The following PREPL variants were observed in gnomAD, a reference collection of about 807,000 sequenced individuals.
PREPL encodes the protein prolyl endopeptidase-like.
PREPL carries 77 observed loss-of-function variants against 70.6 expected under a neutral mutation model. The ratio of observed to expected loss-of-function variants is 1.09; its 90% confidence interval spans 0.91 to 1.32. The LOEUF is 1.32. Ranked by LOEUF, PREPL falls within the 40% of genes most tolerant of loss-of-function variation. The probability of loss-of-function intolerance (pLI) is 0.00; values close to 1 mark genes in which losing one functional copy is unlikely to be tolerated. For synonymous variants in PREPL, 315 were observed against 264.8 expected (o/e 1.19, Z -1.84); for missense variants, 1,002 against 778.2 (o/e 1.29, Z -3.42).
At chr2:44,359,430 ATTCT>A (rs1677418278) in intron 1 of PREPL, 1 of 1,207,110 alleles carries the variant, frequency 8.3e-7, no homozygotes, top group Non-Finnish European at 1.2e-6. Context: ...TATTCTACCC[ATTCT>A]TTATTTTTAA....
At chr2:44,328,024 G>A (rs2103770800) in intron 9 of PREPL, among the ~76,000 whole-genome samples, 1 of 150,032 alleles carries the variant, frequency 6.7e-6, no homozygotes, top group African/African-American at 2.5e-5. Flanking sequence ...GGTGGCTCAT[G>A]CCTGTAATCC....
At chr2:44,347,907 A>T (rs1676001149) in intron 1 of PREPL, among the ~76,000 whole-genome samples, 1 of 152,242 alleles carries the variant, frequency 6.6e-6, no homozygotes, top group African/African-American at 2.4e-5. Flanking sequence ...AAAATCACCA[A>T]AACAAATTAA....
rs763028081 is a variant in PREPL at position 44,342,516 on chromosome 2, A to G, written c.386T>C (p.Phe129Ser). 10 of 1,611,940 alleles carry G rather than the reference A, an allele frequency of 6.2e-6. No homozygotes were observed. The highest frequency in any genetic ancestry group is 1.7e-5 in the Admixed American group (1 of 59,950). Reference protein sequence around the residue: ...VKDEEDEDVLFYTFQRNLRCH... With the variant: ...VKDEEDEDVLSYTFQRNLRCH... Reference sequence around the variant, plus strand: ...GCGAAGGTTCCTCTGGAAGGTGTAGAATAAAACATCTTCATCTTCCTCGTC... The same window carrying G: ...GCGAAGGTTCCTCTGGAAGGTGTAGGATAAAACATCTTCATCTTCCTCGTC... The change falls in exon 5 of 14, where the codon TTC (phenylalanine) becomes TCC (serine). Residue 129 changes from phenylalanine to serine, a missense_variant. Coordinates refer to ENST00000409411, the MANE Select transcript of PREPL (RefSeq NM_001171613.2).
chr2:44,328,851 C>A, intron 9 of PREPL, 86 bp downstream of exon 9: 3 of 1,296,638 alleles, frequency 2.3e-6, no homozygotes, highest in South Asian at 1.7e-5. Flanking sequence ...AAAAAATAAG[C>A]TTTTGTTCCC....
At position 44,338,581 on chromosome 2, in the gene PREPL, A is replaced by G. The variant is rs772645781; in HGVS notation, c.703-45T>C. 3 of 1,464,054 alleles carry G rather than the reference A, an allele frequency of 2.0e-6. No homozygotes were observed. In the African/African-American group the frequency reaches 4.2e-5, roughly 21 times the overall value. The allele number at this position is 1,464,054 out of a possible 1,614,324, so 90.7% of individuals were successfully genotyped here. On this transcript the variant is annotated intron_variant, in intron 6 of 13. Transcript: ENST00000409411. Reference sequence around the variant, plus strand: ...AAGACATATAGGTAAGAAAACACGAAGGCTGCAGCATCCAGAGATGCAATC... The same window carrying G: ...AAGACATATAGGTAAGAAAACACGAGGGCTGCAGCATCCAGAGATGCAATC...
chr2:44,352,104 A>G (rs77638731), intron 1 of PREPL, among the ~76,000 whole-genome samples: 3,757 of 152,282 alleles, frequency 0.025, 172 homozygotes, highest in African/African-American at 0.086. Flanking sequence ...GCTATTGCTC[A>G]AATGTCATCT....
chr2:44,321,615 T>C, intron 13 of PREPL, 170 bp from the exon 14 acceptor site: 1 of 1,480,304 alleles, frequency 6.8e-7, no homozygotes, highest in Non-Finnish European at 8.9e-7. Flanking sequence ...TAAGATTAAA[T>C]TATTTTCTTT....
At chr2:44,351,783 T>C (rs916221420) in intron 1 of PREPL, among the ~76,000 whole-genome samples, 2 of 152,234 alleles carry the variant, frequency 1.3e-5, no homozygotes, top group Non-Finnish European at 2.9e-5. Flanking sequence ...AAAAGCTTTC[T>C]CTGCTTCTGC....
At position 44,317,744 on chromosome 2, in the gene PREPL, GTCAA is replaced by G. The variant is rs1264280960; in HGVS notation, c.*3608_*3611del. On this transcript the variant is annotated 3_prime_UTR_variant, in exon 14 of 14. Coordinates refer to ENST00000409411, the MANE Select transcript of PREPL (RefSeq NM_001171613.2). ...AATACTAGAAGAAAAAAATTATACA[GTCAA>G]TCCAACAAAAAGCTTAATAGAAAAA... is the stretch of plus-strand genomic sequence containing the variant. 2.0e-5 allele frequency: 3 copies of G among 151,964 alleles called. No homozygotes were observed. Among genetic ancestry groups the G allele is most frequent in the Non-Finnish European group, 2.9e-5 (2 of 68,150 alleles). 9.4% of individuals were successfully genotyped at this position (151,964 alleles called of 1,614,324 possible).
chr2:44,318,160 G>C lies in PREPL; in HGVS notation c.*3196C>G, dbSNP rs1039103585. The C allele has an allele frequency of 2.3e-6, 1 of 432,460 alleles. No homozygotes were observed. The highest frequency in any genetic ancestry group is 2.1e-5 in the African/African-American group (1 of 47,448). The allele number at this position is 432,460 out of a possible 1,614,324, so 26.8% of individuals were successfully genotyped here. On this transcript the variant is annotated 3_prime_UTR_variant, in exon 14 of 14. Transcript: ENST00000409411. ...TGCTCGAGTGCAGTGGCGTGATCTCGGCACACTGCAGCCTCTGCTTCCTGG... is the reference window on the plus strand; with the variant it reads ...TGCTCGAGTGCAGTGGCGTGATCTCCGCACACTGCAGCCTCTGCTTCCTGG...
intron 8 of PREPL, 43 bp from the exon 9 acceptor site, chr2:44,329,155 A>C (rs775007714): frequency 6.7e-7 from 1 of 1,491,774 alleles, no homozygotes; most frequent in Non-Finnish European, 9.2e-7. Flanking sequence ...AGAGTCTTTT[A>C]TAATAACTGT....
rs1159107594 is a variant in PREPL at position 44,327,065 on chromosome 2, G to A, written c.1263-137C>T. On this transcript the variant is annotated intron_variant, in intron 9 of 13. Transcript: ENST00000409411. ...CTGGTTTTTGCTTTTTAAAGGTTGA[G>A]TGAAAACAAGGAATGTGCAACAGAA... is the stretch of plus-strand genomic sequence containing the variant. 4.3e-6 allele frequency: 3 copies of A among 700,620 alleles called. No homozygotes were observed. In the African/African-American group the frequency reaches 5.4e-5, roughly 13 times the overall value. The allele number at this position is 700,620 out of a possible 1,614,324, so 43.4% of individuals were successfully genotyped here.
At chr2:44,328,632 G>C (rs754420746) in intron 9 of PREPL, among the ~76,000 whole-genome samples, 2 of 151,988 alleles carry the variant, frequency 1.3e-5, no homozygotes, top group African/African-American at 4.8e-5. Context: ...AAGTTAAATG[G>C]AAAACAGTTC....
rs1431309985 is a variant in PREPL, at chr2:44,327,066, T to G, written c.1263-138A>C. The G allele has an allele frequency of 4.9e-5, 34 of 700,522 alleles. 1 individual carries two copies. The South Asian group carries it at 6.1e-4, about 12-fold the overall frequency. The allele number at this position is 700,522 out of a possible 1,614,324, so 43.4% of individuals were successfully genotyped here. A position where few individuals can be genotyped will look rare whatever the true frequency, so the allele number is the denominator to read the frequency against. ...TGGTTTTTGCTTTTTAAAGGTTGAG[T>G]GAAAACAAGGAATGTGCAACAGAAA... On this transcript the variant is annotated intron_variant, in intron 9 of 13. Transcript: ENST00000409411.
At chr2:44,342,872 G>A (rs369097429) in intron 4 of PREPL, among the ~76,000 whole-genome samples, 4 of 152,142 alleles carry the variant, frequency 2.6e-5, no homozygotes, top group African/African-American at 4.8e-5. Flanking sequence ...GGTGAATTCC[G>A]TCTCAATCTA....
At chr2:44,323,720 C>A (rs190439484) in intron 10 of PREPL, among the ~76,000 whole-genome samples, 25 of 152,228 alleles carry the variant, frequency 1.6e-4, no homozygotes, top group African/African-American at 6.0e-4. Flanking sequence ...ATAAATGCTA[C>A]TGTCTCATAC....
Position 44,321,126 on chromosome 2 carries a change from G to A in PREPL, c.*230C>T, listed in dbSNP as rs909373544. 5 of 505,436 alleles carry A rather than the reference G, an allele frequency of 9.9e-6. No homozygotes were observed. Among genetic ancestry groups the A allele is most frequent in the Admixed American group, 3.3e-5 (1 of 30,196 alleles). The allele number at this position is 505,436 out of a possible 1,614,324, so 31.3% of individuals were successfully genotyped here. On this transcript the variant is annotated 3_prime_UTR_variant, in exon 14 of 14. Coordinates refer to ENST00000409411, the MANE Select transcript of PREPL (RefSeq NM_001171613.2). ...TTCCCTCTACTCCACATCCTTCTAA[G>A]GAGCATGATTTGAAAATTACTTTCC...
Position 44,326,904 on chromosome 2 carries a change from C to G in PREPL, c.1287G>C (p.Gln429His). 6.2e-7 allele frequency: 1 copy of G among 1,614,118 alleles called. No homozygotes were observed. The highest frequency in any genetic ancestry group is 8.5e-7 in the Non-Finnish European group (1 of 1,180,022). ...TAGTTAGGCGGCCATCAGCGTGCCA[C>G]TGGAGGCCTAACTCACCACCACCTC... ...HVRGGGELGLQWHADGRLTKK... is the reference protein window; with the variant it reads ...HVRGGGELGLHWHADGRLTKK... Residue 429 changes from glutamine (Q) to histidine (H), a missense_variant, in exon 10 of 14, where the codon CAG becomes CAC. Physicochemically the swap from Gln to His is conservative, Grantham distance 24. Transcript: ENST00000409411.
At chr2:44,359,427 C>A in intron 1 of PREPL, 2 of 1,159,656 alleles carry the variant, frequency 1.7e-6, no homozygotes, top group Non-Finnish European at 2.5e-6. Flanking sequence ...TGATATTCTA[C>A]CCATTCTTTA....
Sources: allele counts gnomAD v4.1 joint callset (sites outside exome capture counted in the v4.1 genomes callset), GRCh38; gene constraint gnomAD v4.1.1; transcripts MANE v1.5; gene names NCBI Gene and HGNC (gene_info 2026-07-23, HGNC 2026-07-21).